RNF6: variants seen among roughly 807,000 people sequenced by gnomAD.
RNF6 encodes ring finger protein 6.
RNF6 carries 21 observed loss-of-function variants against 50.1 expected under a neutral mutation model. The ratio of observed to expected loss-of-function variants is 0.42; its 90% CI spans 0.30 to 0.60. The LOEUF (loss-of-function observed/expected upper bound fraction) is 0.60. RNF6 is among the 20% of genes least tolerant of loss of function. RNF6 has a pLI of 0.20. For missense variants in RNF6, 698 were observed against 838.2 expected (o/e 0.83, Z 2.07); for synonymous variants, 255 against 291.8 (o/e 0.87, Z 1.29).
chr13:26,157,098 T>G (rs1468500844), intron 5 of RNF6, among the ~76,000 whole-genome samples: 1 of 152,078 alleles, frequency 6.6e-6, no homozygotes, highest in African/African-American at 2.4e-5. Context: ...CTAGTGGGTA[T>G]GGGTATAGGG....
intron 4 of RNF6, among the ~76,000 whole-genome samples, chr13:26,218,157 G>A (rs1345213801): frequency 6.6e-6 from 1 of 152,156 alleles, no homozygotes; most frequent in Non-Finnish European, 1.5e-5. Context: ...TCCTAACTCA[G>A]TCTTTCTACA....
intron 2 of RNF6, among the ~76,000 whole-genome samples, chr13:26,220,276 A>T (rs1262806329): frequency 6.6e-6 from 1 of 152,208 alleles, no homozygotes; most frequent in Non-Finnish European, 1.5e-5. Context: ...ACAGGAAACA[A>T]GACATCATGT....
intron 5 of RNF6, among the ~76,000 whole-genome samples, chr13:26,175,080 G>A (rs118097991): frequency 0.033 from 5,021 of 152,020 alleles, 139 homozygotes; most frequent in Non-Finnish European, 0.048. Flanking sequence ...ATTGGCGTCC[G>A]GTGCCTTTTT....
chr13:26,169,736 C>T (rs1872607141), intron 5 of RNF6, among the ~76,000 whole-genome samples: 2 of 152,126 alleles, frequency 1.3e-5, no homozygotes, highest in African/African-American at 4.8e-5. Context: ...TAGTGGATGC[C>T]TTACTCCAAA....
At chr13:26,209,110 C>A (rs187496857), downstream of RNF6, among the ~76,000 whole-genome samples, 27 of 152,268 alleles carry the variant, frequency 1.8e-4, no homozygotes, top group East Asian at 4.8e-3. Flanking sequence ...AGTGTATTGT[C>A]AAAAAGTCCC....
intron 5 of RNF6, among the ~76,000 whole-genome samples, chr13:26,193,752 A>G (rs756683602): frequency 1.2e-4 from 19 of 152,346 alleles, no homozygotes; most frequent in Non-Finnish European, 2.5e-4. Context: ...AGGAGACAGT[A>G]GATATTTGTC....
chr13:26,202,053 G>A (rs1031187099), intron 5 of RNF6, among the ~76,000 whole-genome samples: 3 of 152,172 alleles, frequency 2.0e-5, no homozygotes, highest in African/African-American at 7.2e-5. Context: ...TGAGAGCGGA[G>A]CCCTATCCTA....
At chr13:26,158,159 C>T (rs1332324461) in intron 5 of RNF6, among the ~76,000 whole-genome samples, 1 of 152,152 alleles carries the variant, frequency 6.6e-6, no homozygotes, top group Non-Finnish European at 1.5e-5. Flanking sequence ...ACAGTAACCT[C>T]AGCAAACATT....
intron 5 of RNF6, among the ~76,000 whole-genome samples, chr13:26,180,152 T>G (rs1873167883): frequency 6.6e-6 from 1 of 152,212 alleles, no homozygotes; most frequent in Non-Finnish European, 1.5e-5. Context: ...GTGAGCCCAG[T>G]GACCCTGTTG....
intron 5 of RNF6, among the ~76,000 whole-genome samples, chr13:26,166,827 T>C (rs1166420285): frequency 6.6e-6 from 1 of 152,034 alleles, no homozygotes; most frequent in Non-Finnish European, 1.5e-5. Context: ...GGCTGAGGCA[T>C]GAGAACCACT....
chr13:26,183,517 C>A (rs765195009), intron 5 of RNF6, among the ~76,000 whole-genome samples: 1 of 152,162 alleles, frequency 6.6e-6, no homozygotes, highest in Non-Finnish European at 1.5e-5. Context: ...GGGATCAGGA[C>A]TCTAATTCAC....
chr13:26,155,692 G>A (rs1417183798), intron 5 of RNF6, among the ~76,000 whole-genome samples: 1 of 152,194 alleles, frequency 6.6e-6, no homozygotes, highest in Admixed American at 6.5e-5. Flanking sequence ...TCCCACTCTG[G>A]TAGGAAAAGG....
intron 5 of RNF6, among the ~76,000 whole-genome samples, chr13:26,150,246 A>T (rs987513605): frequency 3.9e-5 from 6 of 152,132 alleles, no homozygotes; most frequent in Middle Eastern, 6.8e-3. Context: ...TCAAGTTTTA[A>T]TGATTCTTTC....
At chr13:26,219,307 A>T in intron 3 of RNF6, 150 bp downstream of exon 3, 1 of 629,634 alleles carries the variant, frequency 1.6e-6, no homozygotes, top group Non-Finnish European at 2.6e-6. Flanking sequence ...TTTCTACTTT[A>T]TTATACTAAA....
At chr13:26,176,949 CATACAAACAAA>C (rs1872984528) in intron 5 of RNF6, among the ~76,000 whole-genome samples, 1 of 152,068 alleles carries the variant, frequency 6.6e-6, no homozygotes, top group African/African-American at 2.4e-5. Context: ...AACAAACTAA[CATACAAACAAA>C]AGAATATGCC....
chr13:26,196,923 T>C (rs1472401923), intron 5 of RNF6, among the ~76,000 whole-genome samples: 1 of 151,996 alleles, frequency 6.6e-6, no homozygotes, highest in Non-Finnish European at 1.5e-5. Flanking sequence ...AAATCAAAGA[T>C]ATGATAACAC....
chr13:26,170,080 G>C (rs912053320), intron 5 of RNF6, among the ~76,000 whole-genome samples: 1 of 152,132 alleles, frequency 6.6e-6, no homozygotes, highest in Non-Finnish European at 1.5e-5. Flanking sequence ...GCTGGGAAGG[G>C]ATTTGCCCTG....
At chr13:26,211,950 CT>C (rs1232145032), downstream of RNF6, among the ~76,000 whole-genome samples, 1 of 152,208 alleles carries the variant, frequency 6.6e-6, no homozygotes, top group East Asian at 1.9e-4. Context: ...CCTCTTCATA[CT>C]GAACTAGAGA....
intron 5 of RNF6, among the ~76,000 whole-genome samples, chr13:26,188,623 CTTTTTTTTTTTTTTTTT>C (rs1163881143): frequency 6.9e-5 from 3 of 43,260 alleles, no homozygotes; most frequent in African/African-American, 1.1e-4. Flanking sequence ...GTCAAAAGAG[CTTTTTTTTTTTTTTTTT>C]TTTTTTTTTT....
Sources: gnomAD v4.1 joint callset for allele counts (sites outside exome capture counted in the v4.1 genomes callset) on GRCh38, gnomAD v4.1.1 for gene constraint, MANE v1.5 for transcripts, NCBI Gene and HGNC (gene_info 2026-07-23, HGNC 2026-07-21) for gene names.